ASAH2: variants seen among roughly 807,000 people sequenced by gnomAD.
The protein encoded by ASAH2 is N-acylsphingosine amidohydrolase 2.
Under a neutral mutation model 82.9 loss-of-function variants are expected in ASAH2, and 58 were observed. The observed-to-expected ratio is 0.70, with a 90% CI of 0.57 to 0.87. The LOEUF is 0.87. Among genes scored for constraint, ASAH2 ranks in the 40% least tolerant of loss-of-function variants. The pLI, the probability that ASAH2 is intolerant of heterozygous loss-of-function variation, is 0.00. For missense variants in ASAH2, 779 were observed against 834.0 expected (o/e 0.93, Z 0.81); for synonymous variants, 276 against 289.7 (o/e 0.95, Z 0.48).
chr10:50,238,930 A>G (rs1162338729), intron 4 of ASAH2, among the ~76,000 whole-genome samples: 1 of 152,246 alleles, frequency 6.6e-6, no homozygotes, highest in Non-Finnish European at 1.5e-5. Flanking sequence ...AAAGAAATAC[A>G]TAAAACCTAG....
chr10:50,231,839 G>A (rs978761164), intron 7 of ASAH2, among the ~76,000 whole-genome samples: 1 of 152,136 alleles, frequency 6.6e-6, no homozygotes, highest in African/African-American at 2.4e-5. Context: ...TTCAGAAGAG[G>A]TAGAATATGT....
intron 12 of ASAH2, among the ~76,000 whole-genome samples, chr10:50,208,146 A>G (rs1299593160): frequency 2.0e-5 from 3 of 152,028 alleles, no homozygotes; most frequent in Non-Finnish European, 4.4e-5. Context: ...AACTAGGAAT[A>G]GAAGTAAATT....
Position 50,233,266 on chromosome 10 carries a change from T to G in ASAH2, c.816-5A>C. On this transcript the variant is annotated splice_region_variant and splice_polypyrimidine_tract_variant and intron_variant, in intron 6 of 20. Coordinates refer to ENST00000682911, the MANE Select transcript of ASAH2 (RefSeq NM_019893.4). ...TTGTCTGTATTTGAAGAATACCTAGTCAGTAAAACAGAAAAGCACAGTCAG... is the reference window on the plus strand; with the variant it reads ...TTGTCTGTATTTGAAGAATACCTAGGCAGTAAAACAGAAAAGCACAGTCAG... 6.3e-7 allele frequency: 1 copy of G among 1,597,250 alleles called. No homozygotes were observed. Among genetic ancestry groups the G allele is most frequent in the Non-Finnish European group, 8.6e-7 (1 of 1,164,888 alleles).
intron 17 of ASAH2, among the ~76,000 whole-genome samples, chr10:50,197,573 T>C (rs1845019357): frequency 6.6e-6 from 1 of 152,032 alleles, no homozygotes; most frequent in African/African-American, 2.4e-5. Context: ...ACGCTCTTTA[T>C]TCCTCACATT....
intron 4 of ASAH2, among the ~76,000 whole-genome samples, chr10:50,236,455 C>T (rs1846161568): frequency 6.6e-6 from 1 of 152,100 alleles, no homozygotes; most frequent in East Asian, 1.9e-4. Context: ...TCAATTACCT[C>T]CCATGGGGTC....
chr10:50,244,651 G>A (rs146383251), intron 3 of ASAH2, among the ~76,000 whole-genome samples: 72 of 152,286 alleles, frequency 4.7e-4, no homozygotes, highest in African/African-American at 1.3e-3. Context: ...TGCTTTCACA[G>A]TATTAGTCCA....
chr10:50,212,416 T>A (rs1028310664), intron 10 of ASAH2, among the ~76,000 whole-genome samples: 2 of 152,170 alleles, frequency 1.3e-5, no homozygotes, highest in Non-Finnish European at 2.9e-5. Flanking sequence ...GAGACCAGAT[T>A]TGATGAAGAG....
intron 2 of ASAH2, among the ~76,000 whole-genome samples, chr10:50,247,351 G>A (rs1048490596): frequency 6.6e-6 from 1 of 150,946 alleles, no homozygotes; most frequent in Admixed American, 6.6e-5. Context: ...TTTTAGCAGA[G>A]ACAGGGTTTT....
At chr10:50,243,821 G>A (rs1846372924) in intron 3 of ASAH2, among the ~76,000 whole-genome samples, 1 of 152,134 alleles carries the variant, frequency 6.6e-6, no homozygotes. Context: ...CATGTTTGTT[G>A]TTTAGTGTAT....
At chr10:50,228,043 G>A (rs1457475654) in intron 7 of ASAH2, among the ~76,000 whole-genome samples, 1 of 152,126 alleles carries the variant, frequency 6.6e-6, no homozygotes, top group Non-Finnish European at 1.5e-5. Context: ...GAAAGCAGGG[G>A]CCAAGCACAG....
At chr10:50,239,874 T>C (rs1038620609) in intron 4 of ASAH2, among the ~76,000 whole-genome samples, 2 of 142,174 alleles carry the variant, frequency 1.4e-5, no homozygotes, top group African/African-American at 5.0e-5. Flanking sequence ...CTGTCACCTA[T>C]GCTGGAGTGC....
At chr10:50,248,411 T>A in intron 2 of ASAH2, 73 bp downstream of exon 2, 1 of 1,550,984 alleles carries the variant, frequency 6.4e-7, no homozygotes, top group Non-Finnish European at 8.8e-7. Flanking sequence ...TGTTTTTCTC[T>A]TTGGTGTCCA....
chr10:50,233,358 T>G, intron 6 of ASAH2, 97 bp from the exon 7 acceptor site: 1 of 832,068 alleles, frequency 1.2e-6, no homozygotes, highest in South Asian at 1.4e-5. Flanking sequence ...CAAAAATGCC[T>G]CTCAGTAAGT....
intron 7 of ASAH2, among the ~76,000 whole-genome samples, chr10:50,224,608 T>G (rs1210740217): frequency 8.5e-5 from 13 of 152,116 alleles, no homozygotes; most frequent in African/African-American, 3.1e-4. Context: ...TGTGAATACC[T>G]CTGACTAATA....
chr10:50,212,832 A>T (rs1394363337), intron 10 of ASAH2, 140 bp downstream of exon 10: 12 of 845,792 alleles, frequency 1.4e-5, no homozygotes, highest in Admixed American at 5.8e-5. Context: ...CCACCTCCCA[A>T]GCTGACCTCT....
intron 18 of ASAH2, among the ~76,000 whole-genome samples, chr10:50,194,430 A>G (rs1844921753): frequency 6.6e-6 from 1 of 151,772 alleles, no homozygotes; most frequent in Non-Finnish European, 1.5e-5. Flanking sequence ...AAACTCCAAC[A>G]CTGATTTCTG....
At chr10:50,205,398 G>C (rs1845268011) in intron 13 of ASAH2, among the ~76,000 whole-genome samples, 1 of 151,860 alleles carries the variant, frequency 6.6e-6, no homozygotes, top group African/African-American at 2.4e-5. Flanking sequence ...ACTATAGCCT[G>C]TCCCTCTATT....
chr10:50,218,425 A>G lies in ASAH2; in HGVS notation c.1014+85T>C. On this transcript the variant is annotated intron_variant, in intron 8 of 20. Coordinates refer to ENST00000682911, the MANE Select transcript of ASAH2 (RefSeq NM_019893.4). The stretch of plus-strand genomic sequence containing the variant: ...GATTGATGATGACACTTTATTCTGG[A>G]GATTTGAATCACCTCTTCTGAATGC... The G allele has an allele frequency of 2.5e-6, 4 of 1,575,808 alleles. No homozygotes were observed. In the South Asian group the frequency reaches 3.3e-5, roughly 13 times the overall value.
intron 7 of ASAH2, 23 bp from the exon 8 acceptor site, chr10:50,218,653 AAATT>A: frequency 6.2e-7 from 1 of 1,613,694 alleles, no homozygotes; most frequent in East Asian, 2.2e-5. Context: ...AAGAAGCTCT[AAATT>A]AATCAGGAGA....
Sources: gnomAD v4.1 joint callset for allele counts (sites outside exome capture counted in the v4.1 genomes callset) on GRCh38, gnomAD v4.1.1 for gene constraint, MANE v1.5 for transcripts, NCBI Gene and HGNC (gene_info 2026-07-23, HGNC 2026-07-21) for gene names.